Variants in DIAPH1 observed in about 807,000 individuals in gnomAD.
DIAPH1 encodes the protein protein diaphanous homolog 1.
Under a neutral mutation model 140.7 loss-of-function variants are expected in DIAPH1, and 46 were observed. That is an observed-to-expected ratio of 0.33 (90% CI 0.26 to 0.42). The LOEUF is 0.42. Among genes scored for constraint, DIAPH1 ranks in the 10% least tolerant of loss-of-function variants. DIAPH1 has a pLI of 1.00. For missense variants in DIAPH1, 1,310 were observed against 1,558.7 expected, an observed-to-expected ratio of 0.84 and a Z score of 2.69; for synonymous variants, 565 against 551.6, an observed-to-expected ratio of 1.02 and a Z score of -0.34.
intron 1 of DIAPH1, among the ~76,000 whole-genome samples, chr5:141,611,286 A>G (rs1244056010): frequency 1.3e-5 from 2 of 152,226 alleles, no homozygotes; most frequent in Non-Finnish European, 2.9e-5. Context: ...AGAAAACCTT[A>G]GCGACCATAA....
chr5:141,592,438 TTG>T (rs1397844644), intron 1 of DIAPH1, among the ~76,000 whole-genome samples: 14 of 152,178 alleles, frequency 9.2e-5, no homozygotes, highest in African/African-American at 3.1e-4. Context: ...GTATCATTAG[TTG>T]TGTGTATTCT....
chr5:141,546,847 G>A (rs974563599), intron 18 of DIAPH1, among the ~76,000 whole-genome samples: 1 of 152,136 alleles, frequency 6.6e-6, no homozygotes, highest in East Asian at 1.9e-4. Flanking sequence ...ATTCCTGACT[G>A]GATTAACACA....
chr5:141,520,397 G>A (rs1225827544), intron 27 of DIAPH1, among the ~76,000 whole-genome samples: 1 of 152,156 alleles, frequency 6.6e-6, no homozygotes. Context: ...GGAGGCACTT[G>A]GGTCATGGGG....
intron 27 of DIAPH1, among the ~76,000 whole-genome samples, chr5:141,522,136 C>T (rs1237175627): frequency 2.0e-5 from 3 of 152,138 alleles, no homozygotes; most frequent in Non-Finnish European, 4.4e-5. Context: ...TAAAGAGTTA[C>T]CAGAATAACT....
chr5:141,592,176 GA>G (rs1310946552), intron 1 of DIAPH1, among the ~76,000 whole-genome samples: 2 of 151,804 alleles, frequency 1.3e-5, no homozygotes, highest in Non-Finnish European at 2.9e-5. Context: ...ATCCACGAGG[GA>G]AAAAAAGCTG....
chr5:141,607,774 T>A (rs2099901197), intron 1 of DIAPH1, among the ~76,000 whole-genome samples: 1 of 152,230 alleles, frequency 6.6e-6, no homozygotes, highest in African/African-American at 2.4e-5. Flanking sequence ...CTGCTCCCCA[T>A]CTCATGAATT....
At chr5:141,517,678 G>T (rs905468421) in intron 27 of DIAPH1, among the ~76,000 whole-genome samples, 1 of 151,804 alleles carries the variant, frequency 6.6e-6, no homozygotes, top group Non-Finnish European at 1.5e-5. Flanking sequence ...GTGGCATGGC[G>T]GGGGGGAGGT....
intron 1 of DIAPH1, among the ~76,000 whole-genome samples, chr5:141,592,360 TA>T (rs1175777996): frequency 6.6e-6 from 1 of 152,206 alleles, no homozygotes; most frequent in Non-Finnish European, 1.5e-5. Context: ...TTTACTTAGT[TA>T]ATACTATGTG....
At chr5:141,553,324 T>C (rs2099892037) in intron 18 of DIAPH1, among the ~76,000 whole-genome samples, 2 of 148,074 alleles carry the variant, frequency 1.4e-5, no homozygotes, top group Admixed American at 6.8e-5. Flanking sequence ...TTAAGAGATG[T>C]GTCCCAAACA....
chr5:141,586,933 C>T, intron 3 of DIAPH1, 109 bp downstream of exon 3: 1 of 1,166,440 alleles, frequency 8.6e-7, no homozygotes, highest in South Asian at 1.2e-5. Flanking sequence ...CCATGTTAAG[C>T]CTGGAATTCT....
intron 27 of DIAPH1, among the ~76,000 whole-genome samples, chr5:141,517,443 C>T (rs1432435594): frequency 2.0e-5 from 3 of 152,214 alleles, no homozygotes; most frequent in African/African-American, 4.8e-5. Context: ...GGCCAAAACA[C>T]TTCTCAGTCA....
chr5:141,527,699 T>TAAAAAAAAAAAAAAAAAAAAACAA lies in DIAPH1; in HGVS notation c.3149-3_3149-2insTTGTTTTTTTTTTTTTTTTTTTTT. On this transcript the variant is annotated splice_polypyrimidine_tract_variant and splice_region_variant and intron_variant, in intron 23 of 27. Coordinates refer to ENST00000389054, the MANE Select transcript of DIAPH1 (RefSeq NM_005219.5). Reference sequence around the variant, plus strand: ...TCTTTTGCAAGTTTTCAGCAGAAACTAAAAAAAAAAAAAAAAAAAAAAACC... The same window carrying TAAAAAAAAAAAAAAAAAAAAACAA: ...TCTTTTGCAAGTTTTCAGCAGAAACTAAAAAAAAAAAAAAAAAAAAACAAAAAAAAAAAAAAAAAAAAAAAAACC... 1.8e-6 allele frequency: 2 copies of TAAAAAAAAAAAAAAAAAAAAACAA among 1,130,078 alleles called. No homozygotes were observed. Among genetic ancestry groups the TAAAAAAAAAAAAAAAAAAAAACAA allele is most frequent in the Non-Finnish European group, 2.2e-6 (2 of 891,154 alleles). 70.0% of individuals were successfully genotyped at this position (1,130,078 alleles called of 1,614,324 possible).
chr5:141,609,267 C>G (rs903725345), intron 1 of DIAPH1, among the ~76,000 whole-genome samples: 2 of 151,332 alleles, frequency 1.3e-5, no homozygotes, highest in African/African-American at 4.9e-5. Context: ...GAATCCAGTT[C>G]ATTTTAATAG....
chr5:141,603,894 C>T (rs1163778324), intron 1 of DIAPH1, among the ~76,000 whole-genome samples: 1 of 152,162 alleles, frequency 6.6e-6, no homozygotes, highest in African/African-American at 2.4e-5. Flanking sequence ...TAAAGCCCTG[C>T]AACTGGCAGC....
intron 16 of DIAPH1, among the ~76,000 whole-genome samples, chr5:141,573,163 G>A (rs1187770091): frequency 2.6e-5 from 4 of 152,210 alleles, no homozygotes; most frequent in South Asian, 2.1e-4. Flanking sequence ...TGGGCCGGGC[G>A]CGGTGGCTCA....
chr5:141,575,169 TC>T (rs1339510554), intron 14 of DIAPH1, 23 bp from the exon 15 acceptor site: 21 of 1,613,062 alleles, frequency 1.3e-5, no homozygotes, highest in Middle Eastern at 3.3e-4. Flanking sequence ...CGAATCAGGC[TC>T]CCAGCAAGCT....
intron 27 of DIAPH1, among the ~76,000 whole-genome samples, chr5:141,523,637 T>A (rs147421054): frequency 4.4e-4 from 67 of 152,014 alleles, no homozygotes; most frequent in African/African-American, 1.5e-3. Context: ...ATCCTTCAAC[T>A]GAGATGCTCC....
At chr5:141,533,666 G>A (rs752190668) in intron 19 of DIAPH1, among the ~76,000 whole-genome samples, 6 of 152,142 alleles carry the variant, frequency 3.9e-5, no homozygotes, top group Non-Finnish European at 8.8e-5. Flanking sequence ...GGGCAACATA[G>A]CGAGACCCCT....
Position 141,617,599 on chromosome 5 carries a change from G to C in DIAPH1, c.117+1199C>G, listed in dbSNP as rs538839548. Among the ~76,000 whole-genome samples the C allele has an allele frequency of 5.3e-5, 8 of 152,272 alleles. No individual in the cohort carries two copies. The South Asian group carries it at 1.7e-3, about 32-fold the overall frequency. On this transcript the variant is annotated intron_variant, in intron 1 of 27. Coordinates refer to ENST00000389054, the MANE Select transcript of DIAPH1 (RefSeq NM_005219.5). ...AGAGTTACAAGCCATTTGTTTAGTA[G>C]AAAGATACACTAGTGTAAGGGCATA...
Sources: allele counts gnomAD v4.1 joint callset (sites outside exome capture counted in the v4.1 genomes callset), GRCh38; gene constraint gnomAD v4.1.1; transcripts MANE v1.5; gene names NCBI Gene and HGNC (gene_info 2026-07-23, HGNC 2026-07-21).